The following SEC61B variants were observed in gnomAD, a reference collection of about 807,000 sequenced individuals.
SEC61B encodes the protein protein transport protein Sec61 subunit beta.
In SEC61B, 7 loss-of-function variants were observed where a neutral mutation model predicts 12.6. The observed-to-expected ratio is 0.55, with a 90% CI of 0.32 to 1.04. The LOEUF is 1.04. Among genes scored for constraint, SEC61B ranks in the 50% least tolerant of loss-of-function variants. SEC61B has a pLI of 0.05. For synonymous variants in SEC61B, 54 were observed against 50.1 expected (o/e 1.08, Z -0.33); for missense variants, 107 against 130.1 (o/e 0.82, Z 0.86).
chr9:99,225,123 G>A (rs1024785294), intron 2 of SEC61B, among the ~76,000 whole-genome samples: 2 of 152,188 alleles, frequency 1.3e-5, no homozygotes, highest in Non-Finnish European at 2.9e-5. Context: ...AGACATCAAG[G>A]TATTGAGGTC....
intron 3 of SEC61B, among the ~76,000 whole-genome samples, chr9:99,228,611 G>C (rs1828927122): frequency 1.3e-5 from 2 of 152,238 alleles, no homozygotes; most frequent in Admixed American, 1.3e-4. Context: ...TTCTGGTGCT[G>C]TGTGGCAGAT....
At chr9:99,223,320 A>AAAAC (rs1193406610) in intron 2 of SEC61B, 2 of 149,964 alleles carry the variant, frequency 1.3e-5, no homozygotes, top group African/African-American at 4.9e-5. Context: ...TGAACTAAAA[A>AAAAC]AAACAAACAA....
intron 3 of SEC61B, among the ~76,000 whole-genome samples, chr9:99,229,891 T>C (rs1359897449): frequency 6.6e-6 from 1 of 152,248 alleles, no homozygotes; most frequent in Non-Finnish European, 1.5e-5. Context: ...TTTTTTGCTA[T>C]AGTCACGTTG....
At chr9:99,227,283 A>C (rs897850610) in intron 2 of SEC61B, among the ~76,000 whole-genome samples, 1 of 151,266 alleles carries the variant, frequency 6.6e-6, no homozygotes, top group African/African-American at 2.4e-5. Context: ...AAAAAAAAAA[A>C]AAAAAAAACA....
chr9:99,230,555 A>G lies in SEC61B; in HGVS notation c.*131A>G. On this transcript the variant is annotated 3_prime_UTR_variant, in exon 4 of 4. Coordinates refer to ENST00000223641, the MANE Select transcript of SEC61B (RefSeq NM_006808.3). ...TTGCTGTTTTACAGGGGATTTATCAATAATTGATTTTGAGGAATCAGTTTT... is the reference window on the plus strand; with the variant it reads ...TTGCTGTTTTACAGGGGATTTATCAGTAATTGATTTTGAGGAATCAGTTTT... The G allele has an allele frequency of 1.5e-6, 1 of 649,962 alleles. No homozygotes were observed. Among genetic ancestry groups the G allele is most frequent in the Non-Finnish European group, 2.7e-6 (1 of 370,742 alleles). The allele number at this position is 649,962 out of a possible 1,614,324, so 40.3% of individuals were successfully genotyped here. A position where few individuals can be genotyped will look rare whatever the true frequency, so the allele number is the denominator to read the frequency against.
intron 2 of SEC61B, among the ~76,000 whole-genome samples, chr9:99,226,412 G>A (rs1384208387): frequency 6.6e-6 from 1 of 152,104 alleles, no homozygotes; most frequent in Non-Finnish European, 1.5e-5. Context: ...GTAGGGATAG[G>A]GTTTTCACTT....
In SEC61B at chr9:99,224,009, C is replaced by T. The variant is rs116005780; in HGVS notation, c.101+1366C>T. On this transcript the variant is annotated intron_variant, in intron 2 of 3. Transcript: ENST00000223641. The stretch of plus-strand genomic sequence containing the variant: ...CCCAGGTACCCACCATAAGGCATGA[C>T]ACAATAAATAATGACTGAAGGAAGG... Among the ~76,000 whole-genome samples, 554 of 152,228 alleles carry T rather than the reference C, an allele frequency of 3.6e-3. 4 individuals carry two copies. The highest frequency in any genetic ancestry group is 6.9e-3 in the African/African-American group (287 of 41,516).
chr9:99,228,682 A>G (rs1828927674), intron 3 of SEC61B, among the ~76,000 whole-genome samples: 1 of 152,230 alleles, frequency 6.6e-6, no homozygotes, highest in Non-Finnish European at 1.5e-5. Flanking sequence ...TTTCCTGACT[A>G]AACTCGGTGG....
chr9:99,229,935 G>A (rs1828939998), intron 3 of SEC61B, among the ~76,000 whole-genome samples: 1 of 152,054 alleles, frequency 6.6e-6, no homozygotes, highest in Non-Finnish European at 1.5e-5. Flanking sequence ...TATTCAGAAG[G>A]TTGTCTTTAA....
Position 99,230,532 on chromosome 9 carries a change from G to A in SEC61B, c.*108G>A. The stretch of plus-strand genomic sequence containing the variant: ...CATGAGAGAAATTTTCTGTAAGCTT[G>A]CTGTTTTACAGGGGATTTATCAATA... On this transcript the variant is annotated 3_prime_UTR_variant, in exon 4 of 4. Transcript: ENST00000223641. 1.4e-6 allele frequency: 1 copy of A among 721,408 alleles called. No homozygotes were observed. The highest frequency in any genetic ancestry group is 2.4e-6 in the Non-Finnish European group (1 of 421,852). 44.7% of individuals were successfully genotyped at this position (721,408 alleles called of 1,614,324 possible).
intron 1 of SEC61B, 41 bp downstream of exon 1, chr9:99,222,407 CCTG>C: frequency 6.2e-7 from 1 of 1,613,860 alleles, no homozygotes; most frequent in Middle Eastern, 1.6e-4. Flanking sequence ...TCCCAGAAGC[CCTG>C]ACTCCTCCTG....
chr9:99,228,184 G>A (rs749488170), intron 3 of SEC61B, among the ~76,000 whole-genome samples, 184 bp downstream of exon 3: 6 of 152,208 alleles, frequency 3.9e-5, no homozygotes, highest in Non-Finnish European at 8.8e-5. Flanking sequence ...TTGTAGGGCC[G>A]GGAATGACAT....
rs372891790 is a variant in SEC61B, at chr9:99,228,415, A to T, written c.203+415A>T. On this transcript the variant is annotated intron_variant, in intron 3 of 3. Coordinates refer to ENST00000223641, the MANE Select transcript of SEC61B (RefSeq NM_006808.3). ...CATAAGCTGATATTACTACAACCTG[A>T]TGGAGGTTTTCCCATTAGGCTGTGT... 3.3e-5 allele frequency among the ~76,000 whole-genome samples: 5 copies of T among 152,310 alleles called. No homozygotes were observed. In the East Asian group the frequency reaches 9.6e-4, roughly 29 times the overall value.
chr9:99,228,916 CTT>C (rs1390198892), intron 3 of SEC61B, among the ~76,000 whole-genome samples: 1 of 152,130 alleles, frequency 6.6e-6, no homozygotes, highest in African/African-American at 2.4e-5. Flanking sequence ...GTCCTATGCT[CTT>C]TGCATATTGT....
At chr9:99,228,532 A>G (rs1828925895) in intron 3 of SEC61B, among the ~76,000 whole-genome samples, 1 of 152,144 alleles carries the variant, frequency 6.6e-6, no homozygotes, top group Non-Finnish European at 1.5e-5. Context: ...GTTCTTAGGC[A>G]TTGGAGTGCT....
In SEC61B at chr9:99,222,654, C is replaced by A; in HGVS notation, c.101+11C>A. On this transcript the variant is annotated intron_variant, in intron 2 of 3. Transcript: ENST00000223641. Reference sequence around the variant, plus strand: ...CACTGTCCGGCAGAGGTAAGGAACCCTGCAGTTCGTTCGCTTCCAGACTCG... The same window carrying A: ...CACTGTCCGGCAGAGGTAAGGAACCATGCAGTTCGTTCGCTTCCAGACTCG... The A allele has an allele frequency of 6.6e-7, 1 of 1,516,024 alleles. No individual in the cohort carries two copies. The allele number at this position is 1,516,024 out of a possible 1,614,324, so 93.9% of individuals were successfully genotyped here.
At chr9:99,222,770 C>T in intron 2 of SEC61B, 127 bp downstream of exon 2, 4 of 681,636 alleles carry the variant, frequency 5.9e-6, no homozygotes. Context: ...GTGACGTGGC[C>T]GTGGGAGTAG....
intron 2 of SEC61B, among the ~76,000 whole-genome samples, chr9:99,225,212 A>G (rs908698222): frequency 6.6e-6 from 1 of 152,258 alleles, no homozygotes; most frequent in Non-Finnish European, 1.5e-5. Context: ...CATGAACCTT[A>G]TATTCCAGTG....
chr9:99,224,678 T>C (rs987812660), intron 2 of SEC61B, among the ~76,000 whole-genome samples: 1 of 152,200 alleles, frequency 6.6e-6, no homozygotes, highest in Non-Finnish European at 1.5e-5. Context: ...GTGATAGAGC[T>C]AGTGTAACAA....
Sources: allele counts gnomAD v4.1 joint callset (sites outside exome capture counted in the v4.1 genomes callset), GRCh38; gene constraint gnomAD v4.1.1; transcripts MANE v1.5; gene names NCBI Gene and HGNC (gene_info 2026-07-23, HGNC 2026-07-21).